Variants in KIF13B observed in about 807,000 individuals in gnomAD.
KIF13B encodes the protein kinesin-like protein KIF13B.
A neutral mutation model predicts 222.0 loss-of-function variants in KIF13B; 127 were observed. The observed-to-expected ratio is 0.57, with a 90% confidence interval of 0.50 to 0.66. The LOEUF (loss-of-function observed/expected upper bound fraction) is 0.66. Ranked by LOEUF, KIF13B falls within the 30% of genes least tolerant of loss-of-function variation. The pLI, the probability that KIF13B is intolerant of heterozygous loss-of-function variation, is 0.00. For missense variants in KIF13B, 2,173 were observed against 2,379.0 expected, an observed-to-expected ratio of 0.91 and a Z score of 1.80; for synonymous variants, 976 against 919.0, an observed-to-expected ratio of 1.06 and a Z score of -1.12.
intron 29 of KIF13B, among the ~76,000 whole-genome samples, chr8:29,121,517 A>G (rs1317414460): frequency 5.0e-5 from 4 of 79,982 alleles, no homozygotes; most frequent in Middle Eastern, 4.3e-3. Flanking sequence ...AGAAAGCTGA[A>G]ACTGGATCCC....
intron 1 of KIF13B, among the ~76,000 whole-genome samples, chr8:29,253,893 TGAAAAA>T (rs1458101352): frequency 2.0e-5 from 3 of 147,394 alleles, no homozygotes; most frequent in African/African-American, 7.5e-5. Flanking sequence ...AAAACAATCT[TGAAAAA>T]GAAAAACAAA....
chr8:29,237,414 C>T (rs778269093), intron 2 of KIF13B, among the ~76,000 whole-genome samples: 2 of 152,066 alleles, frequency 1.3e-5, no homozygotes, highest in Non-Finnish European at 2.9e-5. Context: ...ATTCAAAACA[C>T]GTAATTCCTA....
Position 29,132,372 on chromosome 8 carries a change from G to C in KIF13B, c.2878C>G (p.Arg960Gly), listed in dbSNP as rs768469903. ...AAATCCCACAGGGCGGGGTTTTTCCGGGGATCGTTTATTTTATGTCCATAT... is the reference window on the plus strand; with the variant it reads ...AAATCCCACAGGGCGGGGTTTTTCCCGGGATCGTTTATTTTATGTCCATAT... ...EVYGHKINDP[R>G]KNPALWDLGI... Residue 960 changes from arginine to glycine, a missense_variant, in exon 23 of 40, where the codon CGG (arginine) becomes GGG (glycine). Around this residue, in one of 2 missense-constraint regions of KIF13B, gnomAD observed 1,480 missense variants for 1,722.8 expected, o/e 0.86. Transcript: ENST00000524189. 6.3e-7 allele frequency: 1 copy of C among 1,593,332 alleles called. No homozygotes were observed.
At chr8:29,263,099 T>G (rs1414156990), upstream of KIF13B, 4 of 1,338,344 alleles carry the variant, frequency 3.0e-6, no homozygotes, top group Non-Finnish European at 2.0e-6. Flanking sequence ...TCTTCGGGGT[T>G]GACCCGGCGG....
chr8:29,153,020 T>C (rs1447589056), intron 14 of KIF13B, among the ~76,000 whole-genome samples: 1 of 152,206 alleles, frequency 6.6e-6, no homozygotes, highest in Non-Finnish European at 1.5e-5. Flanking sequence ...TTTGCTTCAT[T>C]GTGGAAGTCC....
chr8:29,172,450 C>T (rs984030175), intron 10 of KIF13B, among the ~76,000 whole-genome samples: 4 of 152,174 alleles, frequency 2.6e-5, no homozygotes, highest in African/African-American at 9.7e-5. Flanking sequence ...ATTTTTAATA[C>T]ATGAAAGTTG....
intron 1 of KIF13B, among the ~76,000 whole-genome samples, chr8:29,259,260 T>C (rs780777280): frequency 5.9e-5 from 9 of 152,212 alleles, no homozygotes; most frequent in Non-Finnish European, 1.3e-4. Flanking sequence ...CATACTTCTG[T>C]GTCTTTCACC....
chr8:29,209,330 G>A (rs1232882085), intron 2 of KIF13B, among the ~76,000 whole-genome samples: 3 of 152,126 alleles, frequency 2.0e-5, no homozygotes, highest in Admixed American at 6.6e-5. Context: ...CCATTCTGAT[G>A]TGGACTCAGC....
chr8:29,101,748 T>C (rs1786625433), intron 35 of KIF13B, among the ~76,000 whole-genome samples: 1 of 152,162 alleles, frequency 6.6e-6, no homozygotes. Flanking sequence ...CCACCTATTC[T>C]GATCCCACTG....
At chr8:29,120,359 G>A (rs1275045105) in intron 29 of KIF13B, among the ~76,000 whole-genome samples, 1 of 94,522 alleles carries the variant, frequency 1.1e-5, no homozygotes, top group Non-Finnish European at 2.1e-5. Context: ...TCCCCAGAGT[G>A]TGATATTCCC....
At chr8:29,144,496 G>A (rs1006307028) in intron 18 of KIF13B, among the ~76,000 whole-genome samples, 11 of 152,122 alleles carry the variant, frequency 7.2e-5, no homozygotes, top group African/African-American at 2.7e-4. Context: ...GACCTCAGGT[G>A]ATCCGCCCAC....
Position 29,090,849 on chromosome 8 carries a change from A to G in KIF13B, c.4458+1896T>C, listed in dbSNP as rs193138772. ...CTCATAGCCTCATTCTAATTCTCAT[A>G]GCCTCCTGTGTAGCTATGACTACAG... On this transcript the variant is annotated intron_variant, in intron 37 of 39. Coordinates refer to ENST00000524189, the MANE Select transcript of KIF13B (RefSeq NM_015254.4). Among the ~76,000 whole-genome samples, 729 of 152,192 alleles carry G rather than the reference A, an allele frequency of 4.8e-3. 7 individuals carry two copies. The highest frequency in any genetic ancestry group is 7.0e-3 in the Non-Finnish European group (474 of 68,004).
intron 2 of KIF13B, among the ~76,000 whole-genome samples, chr8:29,200,208 G>C (rs1319045996): frequency 6.6e-6 from 1 of 152,184 alleles, no homozygotes; most frequent in Non-Finnish European, 1.5e-5. Context: ...GACACCCAAA[G>C]ATGTAATTAC....
intron 2 of KIF13B, among the ~76,000 whole-genome samples, chr8:29,215,392 T>C (rs1470780655): frequency 1.3e-5 from 2 of 152,140 alleles, no homozygotes; most frequent in Non-Finnish European, 2.9e-5. Flanking sequence ...ACCAACTCTA[T>C]AGAACAGTAT....
intron 14 of KIF13B, among the ~76,000 whole-genome samples, chr8:29,150,850 C>T (rs1303881131): frequency 6.6e-6 from 1 of 152,064 alleles, no homozygotes; most frequent in African/African-American, 2.4e-5. Context: ...TCTCTTTATT[C>T]CCCGAGACAC....
At chr8:29,131,179 A>G (rs758738360) in intron 23 of KIF13B, among the ~76,000 whole-genome samples, 40 of 152,148 alleles carry the variant, frequency 2.6e-4, no homozygotes, top group Non-Finnish European at 5.9e-4. Flanking sequence ...GGAGTTGGGG[A>G]GCAGGGAAGT....
intron 18 of KIF13B, 48 bp from the exon 19 acceptor site, chr8:29,142,351 A>C (rs772608204): frequency 1.9e-6 from 3 of 1,549,434 alleles, no homozygotes; most frequent in Non-Finnish European, 2.6e-6. Flanking sequence ...GGCAGCGGGG[A>C]AGTCAAAGCT....
At position 29,116,933 on chromosome 8, in the gene KIF13B, C is replaced by T. The variant is rs1207128130; in HGVS notation, c.3735G>A (p.Glu1245=). The T allele has an allele frequency of 1.9e-6, 3 of 1,613,236 alleles. No individual in the cohort carries two copies. The highest frequency in any genetic ancestry group is 2.5e-6 in the Non-Finnish European group (3 of 1,179,378). Residue 1245 remains glutamate, a synonymous_variant, in exon 31 of 40, where the codon GAG becomes GAA. Transcript: ENST00000524189. Reference sequence around the variant, plus strand: ...TCACGCGCACGATCAGGAACAACCGCTCGTCCACGGGCGTGCCCCTGCTGA... The same window carrying T: ...TCACGCGCACGATCAGGAACAACCGTTCGTCCACGGGCGTGCCCCTGCTGA... ...PQLSRGTPVD[E]RLFLIVRVTV... is the part of the protein sequence containing the mutation.
chr8:29,102,217 T>G (rs559653895), intron 35 of KIF13B, among the ~76,000 whole-genome samples: 5 of 152,330 alleles, frequency 3.3e-5, no homozygotes, highest in African/African-American at 4.8e-5. Flanking sequence ...AGCTCAGGTC[T>G]AAACGTGAAA....
Sources: gnomAD v4.1 joint callset for allele counts (sites outside exome capture counted in the v4.1 genomes callset) on GRCh38, gnomAD v4.1.1 for gene constraint, gnomAD v4.1.1 regional missense constraint, MANE v1.5 for transcripts, NCBI Gene and HGNC (gene_info 2026-07-23, HGNC 2026-07-21) for gene names.